The following TANGO6 variants were observed in gnomAD, a reference collection of about 807,000 sequenced individuals.
TANGO6 encodes transport and golgi organization 6 homolog, also known as transport and Golgi organization protein 6 homolog.
A neutral mutation model predicts 114.2 loss-of-function variants in TANGO6; 90 were observed. The ratio of observed to expected loss-of-function variants is 0.79; its 90% confidence interval spans 0.66 to 0.94. The LOEUF (loss-of-function observed/expected upper bound fraction) is 0.94, where lower values mean the gene tolerates loss of function less well. Ranked by LOEUF, TANGO6 falls within the 40% of genes least tolerant of loss-of-function variation. The pLI is 0.00. For missense variants in TANGO6, 1,274 were observed against 1,315.3 expected (o/e 0.97, Z 0.49); for synonymous variants, 477 against 509.8 (o/e 0.94, Z 0.87).
intron 4 of TANGO6, among the ~76,000 whole-genome samples, chr16:68,872,532 C>T (rs961592793): frequency 7.2e-5 from 11 of 151,988 alleles, no homozygotes; most frequent in Admixed American, 7.2e-4. Context: ...GAACTCCTGA[C>T]CTCAGGTGAT....
intron 15 of TANGO6, among the ~76,000 whole-genome samples, chr16:68,999,402 T>C (rs998051636): frequency 6.6e-6 from 1 of 152,208 alleles, no homozygotes; most frequent in African/African-American, 2.4e-5. Flanking sequence ...GGGCTTTTAT[T>C]GGCTCTATAA....
intron 7 of TANGO6, among the ~76,000 whole-genome samples, chr16:68,886,107 G>A (rs767234745): frequency 6.6e-6 from 1 of 152,014 alleles, no homozygotes; most frequent in African/African-American, 2.4e-5. Context: ...GTATCTCATT[G>A]TCATTTTGAT....
intron 17 of TANGO6, among the ~76,000 whole-genome samples, chr16:69,076,564 T>C (rs1960382601): frequency 6.6e-6 from 1 of 152,194 alleles, no homozygotes; most frequent in South Asian, 2.1e-4. Context: ...TCGGGTTCCA[T>C]GGTCCTCTGT....
chr16:68,966,306 C>T (rs8061536), intron 14 of TANGO6, among the ~76,000 whole-genome samples: 13,189 of 151,958 alleles, frequency 0.087, 658 homozygotes, highest in African/African-American at 0.13. Flanking sequence ...GGTGGATTGC[C>T]CAGCCAGACC....
intron 17 of TANGO6, among the ~76,000 whole-genome samples, chr16:69,076,973 G>A (rs907681656): frequency 2.6e-5 from 4 of 152,042 alleles, no homozygotes; most frequent in African/African-American, 9.7e-5. Flanking sequence ...CTCCAGCCTG[G>A]GCGACAGAGC....
chr16:69,044,051 T>G (rs181430927), intron 17 of TANGO6, among the ~76,000 whole-genome samples: 40 of 152,280 alleles, frequency 2.6e-4, no homozygotes, highest in African/African-American at 9.6e-4. Context: ...ATATCCACAT[T>G]GGAGGGAAAT....
chr16:69,027,357 A>AT (rs1324744543), intron 16 of TANGO6, among the ~76,000 whole-genome samples: 1 of 152,100 alleles, frequency 6.6e-6, no homozygotes, highest in Non-Finnish European at 1.5e-5. Context: ...AGTTACATAT[A>AT]TATCAGTTAT....
intron 1 of TANGO6, among the ~76,000 whole-genome samples, chr16:68,847,745 A>C (rs1187018275): frequency 6.6e-6 from 1 of 152,122 alleles, no homozygotes; most frequent in Non-Finnish European, 1.5e-5. Context: ...CACACCTGTA[A>C]TCCTAGCACT....
chr16:69,083,670 C>A lies in TANGO6; in HGVS notation c.*9C>A. 6.4e-7 allele frequency: 1 copy of A among 1,553,158 alleles called. No homozygotes were observed. The highest frequency in any genetic ancestry group is 8.7e-7 in the Non-Finnish European group (1 of 1,147,754). On this transcript the variant is annotated 3_prime_UTR_variant, in exon 18 of 18. Coordinates refer to ENST00000261778, the MANE Select transcript of TANGO6 (RefSeq NM_024562.2). ...TCATGGTCCTGCCGTAGACCTGGCT[C>A]CAAGGACGTGGAGGAGGCAGGCAGG...
intron 4 of TANGO6, among the ~76,000 whole-genome samples, chr16:68,873,115 C>T (rs1483562731): frequency 6.6e-6 from 1 of 151,812 alleles, no homozygotes; most frequent in African/African-American, 2.4e-5. Context: ...ACCCTCCCCC[C>T]ATGTCCCCCC....
intron 14 of TANGO6, among the ~76,000 whole-genome samples, chr16:68,947,193 C>T (rs1029914442): frequency 1.6e-4 from 25 of 152,150 alleles, no homozygotes; most frequent in African/African-American, 6.0e-4. Context: ...CGCAGTGGCT[C>T]ACGCCTGTAA....
intron 12 of TANGO6, among the ~76,000 whole-genome samples, chr16:68,922,842 T>C (rs1056039973): frequency 2.7e-5 from 4 of 150,218 alleles, no homozygotes; most frequent in African/African-American, 9.8e-5. Context: ...TAGATTCTAC[T>C]GGGGTGGGGG....
chr16:68,951,250 G>C (rs1222433570), intron 14 of TANGO6, among the ~76,000 whole-genome samples: 2 of 149,214 alleles, frequency 1.3e-5, no homozygotes, highest in Non-Finnish European at 3.0e-5. Context: ...TTGAGCCCAA[G>C]AGGTCAAGAC....
intron 8 of TANGO6, 89 bp from the exon 9 acceptor site, chr16:68,902,239 C>G: frequency 7.6e-7 from 1 of 1,311,958 alleles, no homozygotes; most frequent in South Asian, 1.5e-5. Context: ...TGCAGTGGAA[C>G]CTGACAGCCT....
At chr16:68,991,480 G>A (rs114759365) in intron 15 of TANGO6, among the ~76,000 whole-genome samples, 3,841 of 151,996 alleles carry the variant, frequency 0.025, 168 homozygotes, top group African/African-American at 0.088. Flanking sequence ...ACTAAAAATA[G>A]AAAAGGAAAA....
intron 1 of TANGO6, among the ~76,000 whole-genome samples, chr16:68,848,469 C>G (rs1161491618): frequency 6.6e-6 from 1 of 151,944 alleles, no homozygotes; most frequent in East Asian, 1.9e-4. Context: ...ATGCCACATA[C>G]TGTTTTATAA....
chr16:68,846,454 T>C, intron 1 of TANGO6: 1 of 296,282 alleles, frequency 3.4e-6, no homozygotes, highest in Non-Finnish European at 6.5e-6. Flanking sequence ...GGAGGAGAGT[T>C]CAATCACCTT....
chr16:68,853,167 A>G (rs1961932889), intron 1 of TANGO6, among the ~76,000 whole-genome samples: 1 of 151,878 alleles, frequency 6.6e-6, no homozygotes, highest in African/African-American at 2.4e-5. Flanking sequence ...TTAAAAATGC[A>G]TGTACTTGGC....
At chr16:68,902,828 T>C (rs1567535772) in intron 9 of TANGO6, among the ~76,000 whole-genome samples, 1 of 152,194 alleles carries the variant, frequency 6.6e-6, no homozygotes, top group African/African-American at 2.4e-5. Flanking sequence ...AATAATCCAA[T>C]TATCTTTCTG....
Sources: gnomAD v4.1 joint callset for allele counts (sites outside exome capture counted in the v4.1 genomes callset) on GRCh38, gnomAD v4.1.1 for gene constraint, MANE v1.5 for transcripts, NCBI Gene and HGNC (gene_info 2026-07-23, HGNC 2026-07-21) for gene names.